The following SHANK2 variants were observed in gnomAD, a reference collection of about 807,000 sequenced individuals.
SHANK2 encodes the protein SH3 and multiple ankyrin repeat domains 2.
SHANK2 carries 43 observed loss-of-function variants against 133.7 expected under a neutral mutation model. That is an observed-to-expected ratio of 0.32 (90% CI 0.25 to 0.41). The LOEUF is 0.41. SHANK2 is among the 10% of genes least tolerant of loss of function. The pLI, the probability that SHANK2 is intolerant of heterozygous loss-of-function variation, is 1.00. For synonymous variants in SHANK2, 1,017 were observed against 952.8 expected (o/e 1.07, Z -1.24); for missense variants, 1,994 against 2,235.8 (o/e 0.89, Z 2.18).
intron 10 of SHANK2, among the ~76,000 whole-genome samples, chr11:70,953,197 T>G (rs540889157): frequency 8.5e-5 from 13 of 152,122 alleles, no homozygotes; most frequent in African/African-American, 3.1e-4. Flanking sequence ...GCAGGAGGTG[T>G]CCGGGCCATG....
At chr11:70,940,934 A>G (rs1213312594) in intron 10 of SHANK2, among the ~76,000 whole-genome samples, 1 of 152,140 alleles carries the variant, frequency 6.6e-6, no homozygotes, top group Non-Finnish European at 1.5e-5. Context: ...CAAGTGTGCT[A>G]TGTGGCAGGG....
At chr11:71,079,747 G>T in intron 8 of SHANK2, among the ~76,000 whole-genome samples, 1 of 149,896 alleles carries the variant, frequency 6.7e-6, no homozygotes, top group Admixed American at 6.7e-5. Flanking sequence ...GAGACAGAGT[G>T]AGACTCCGAG....
At chr11:70,553,208 GCCT>G (rs1469436863) in intron 17 of SHANK2, among the ~76,000 whole-genome samples, 1 of 151,904 alleles carries the variant, frequency 6.6e-6, no homozygotes, top group Non-Finnish European at 1.5e-5. Flanking sequence ...TTCTGCCTCA[GCCT>G]CCTGAGTAGC....
chr11:71,178,545 T>A (rs915966506), intron 2 of SHANK2, among the ~76,000 whole-genome samples: 10 of 152,216 alleles, frequency 6.6e-5, no homozygotes, highest in Non-Finnish European at 1.5e-4. Context: ...TTAATACCAC[T>A]GAGTCGTACA....
intron 2 of SHANK2, among the ~76,000 whole-genome samples, chr11:71,216,627 G>A (rs1307700680): frequency 2.0e-5 from 3 of 152,186 alleles, no homozygotes; most frequent in Non-Finnish European, 2.9e-5. Flanking sequence ...TTCAGTCAAG[G>A]AGGGACTGTG....
At chr11:71,089,901 A>C (rs1460907085) in intron 8 of SHANK2, among the ~76,000 whole-genome samples, 2 of 152,130 alleles carry the variant, frequency 1.3e-5, no homozygotes, top group East Asian at 3.9e-4. Flanking sequence ...GGTCAAGGGG[A>C]GGAAGGAGGA....
chr11:70,496,343 T>C (rs1370253922), intron 21 of SHANK2, among the ~76,000 whole-genome samples: 6 of 152,206 alleles, frequency 3.9e-5, no homozygotes, highest in Admixed American at 2.6e-4. Flanking sequence ...CTGATGAGGC[T>C]GATTCATTTC....
intron 8 of SHANK2, among the ~76,000 whole-genome samples, chr11:71,085,969 A>AT (rs1951396707): frequency 5.7e-5 from 2 of 35,376 alleles, no homozygotes; most frequent in East Asian, 1.0e-3. Context: ...GTTATATATT[A>AT]TATATATTAT....
chr11:71,147,405 G>A lies in SHANK2; in HGVS notation c.-12-67C>T, dbSNP rs1394703153. 7.6e-6 allele frequency: 10 copies of A among 1,321,736 alleles called. No homozygotes were observed. The African/African-American group carries it at 8.8e-5, about 12-fold the overall frequency. 81.9% of individuals were successfully genotyped at this position (1,321,736 alleles called of 1,614,324 possible). On this transcript the variant is annotated intron_variant, in intron 2 of 25. Coordinates refer to ENST00000601538, the MANE Select transcript of SHANK2 (RefSeq NM_012309.5). ...AAAATGAAAGAAAACCCAGGGGCAC[G>A]GTGGACACTGGCGCTGGAACACACG...
chr11:70,638,570 C>T (rs1295310606), intron 17 of SHANK2, among the ~76,000 whole-genome samples: 3 of 152,202 alleles, frequency 2.0e-5, no homozygotes, highest in African/African-American at 4.8e-5. Flanking sequence ...ACAGATGCAC[C>T]GGAAAATCCG....
At chr11:70,532,814 G>T (rs2059492131) in intron 17 of SHANK2, among the ~76,000 whole-genome samples, 1 of 152,132 alleles carries the variant, frequency 6.6e-6, no homozygotes, top group Non-Finnish European at 1.5e-5. Flanking sequence ...GCGCATGAGT[G>T]TCCACAGCAG....
intron 14 of SHANK2, among the ~76,000 whole-genome samples, chr11:70,776,255 G>A (rs1555043885): frequency 6.6e-6 from 1 of 152,194 alleles, no homozygotes; most frequent in African/African-American, 2.4e-5. Context: ...GAGTGAGTGG[G>A]GGCAGGTCAC....
chr11:71,155,647 A>T (rs1952893832), intron 2 of SHANK2, among the ~76,000 whole-genome samples: 1 of 147,002 alleles, frequency 6.8e-6, no homozygotes, highest in African/African-American at 2.6e-5. Flanking sequence ...CTTGCCTAGA[A>T]GCTGTCCCCC....
In SHANK2 at chr11:71,147,108, C is replaced by A; in HGVS notation, c.207+12G>T. The A allele has an allele frequency of 2.6e-6, 4 of 1,541,546 alleles. No individual in the cohort carries two copies. The highest frequency in any genetic ancestry group is 1.4e-5 in the African/African-American group (1 of 73,062). On this transcript the variant is annotated intron_variant, in intron 3 of 25. Transcript: ENST00000601538. Reference sequence around the variant, plus strand: ...TCCAGATGTGAACCAAAGGGCAGACCACGGGGCTCACCGTCTGCTGCAGGT... The same window carrying A: ...TCCAGATGTGAACCAAAGGGCAGACAACGGGGCTCACCGTCTGCTGCAGGT...
chr11:70,718,435 T>C (rs575380948), intron 14 of SHANK2, among the ~76,000 whole-genome samples: 1 of 151,792 alleles, frequency 6.6e-6, no homozygotes, highest in South Asian at 2.1e-4. Context: ...CAGTGGGTCC[T>C]TAGCGGGGCT....
At chr11:70,929,544 T>G (rs1345686720) in intron 10 of SHANK2, among the ~76,000 whole-genome samples, 2 of 152,198 alleles carry the variant, frequency 1.3e-5, no homozygotes, top group African/African-American at 4.8e-5. Context: ...TTTGGGCTCA[T>G]GGCTCCTCCT....
At position 70,617,339 on chromosome 11, in the gene SHANK2, T is replaced by C. The variant is rs374367070; in HGVS notation, c.2061+42489A>G. ...TGTGTGTGTGAGTGTGTAGTGCATG[T>C]ACATGCATGTTAAAACCCTTTAAAA... On this transcript the variant is annotated intron_variant, in intron 17 of 25. Coordinates refer to ENST00000601538, the MANE Select transcript of SHANK2 (RefSeq NM_012309.5). 3.9e-5 allele frequency among the ~76,000 whole-genome samples: 6 copies of C among 152,100 alleles called. No individual in the cohort carries two copies. In the East Asian group the frequency reaches 7.7e-4, roughly 19 times the overall value.
intron 10 of SHANK2, among the ~76,000 whole-genome samples, chr11:70,946,861 CACTA>C (rs1471884551): frequency 6.8e-6 from 1 of 147,068 alleles, no homozygotes; most frequent in Non-Finnish European, 1.5e-5. Flanking sequence ...CCTCCCTCTC[CACTA>C]ACTAACCCTT....
intron 17 of SHANK2, among the ~76,000 whole-genome samples, chr11:70,599,248 C>G (rs951247166): frequency 6.6e-6 from 1 of 151,992 alleles, no homozygotes; most frequent in Admixed American, 6.5e-5. Flanking sequence ...GTGAAACTAC[C>G]TAGGAATAAA....
Sources: allele counts gnomAD v4.1 joint callset (sites outside exome capture counted in the v4.1 genomes callset), GRCh38; gene constraint gnomAD v4.1.1; transcripts MANE v1.5; gene names NCBI Gene and HGNC (gene_info 2026-07-23, HGNC 2026-07-21).